The following ARHGAP20 variants were observed in gnomAD, a reference collection of about 807,000 sequenced individuals.
The protein encoded by ARHGAP20 is rho GTPase-activating protein 20.
Under a neutral mutation model 73.7 loss-of-function variants are expected in ARHGAP20, and 34 were observed. The ratio of observed to expected loss-of-function variants is 0.46; its 90% CI spans 0.35 to 0.61. ARHGAP20 has a LOEUF of 0.61. ARHGAP20 is among the 20% of genes least tolerant of loss of function. The probability of loss-of-function intolerance (pLI) is 0.00; values close to 1 mark genes in which losing one functional copy is unlikely to be tolerated. For synonymous variants in ARHGAP20, 523 were observed against 518.2 expected, an observed-to-expected ratio of 1.01 and a Z score of -0.13; for missense variants, 1,314 against 1,420.9, an observed-to-expected ratio of 0.92 and a Z score of 1.21.
intron 2 of ARHGAP20, among the ~76,000 whole-genome samples, chr11:110,681,766 C>T (rs1368061479): frequency 6.6e-6 from 1 of 152,082 alleles, no homozygotes; most frequent in Non-Finnish European, 1.5e-5. Context: ...TGAATGAACC[C>T]AAAGTGGAAG....
chr11:110,658,346 C>A (rs1236124291), intron 2 of ARHGAP20, among the ~76,000 whole-genome samples: 1 of 152,108 alleles, frequency 6.6e-6, no homozygotes, highest in Non-Finnish European at 1.5e-5. Context: ...TTTCTAGAAA[C>A]CTGAAGGAGC....
intron 3 of ARHGAP20, among the ~76,000 whole-genome samples, chr11:110,625,689 T>A (rs1177060038): frequency 6.7e-6 from 1 of 149,202 alleles, no homozygotes; most frequent in Non-Finnish European, 1.5e-5. Context: ...CCCTGTAGAC[T>A]CCTGATATGG....
intron 1 of ARHGAP20, among the ~76,000 whole-genome samples, chr11:110,692,575 C>G (rs1950264221): frequency 6.6e-6 from 1 of 152,020 alleles, no homozygotes; most frequent in African/African-American, 2.4e-5. Context: ...TCAGCAGATC[C>G]AAGATTCTAA....
intron 9 of ARHGAP20, among the ~76,000 whole-genome samples, chr11:110,597,035 G>T (rs9704284): frequency 1.3e-5 from 2 of 150,778 alleles, no homozygotes; most frequent in Non-Finnish European, 2.9e-5. Context: ...GCAAACTATC[G>T]CCAGGACAAA....
At chr11:110,630,848 G>C in intron 2 of ARHGAP20, 56 bp from the exon 3 acceptor site, 3 of 1,547,194 alleles carry the variant, frequency 1.9e-6, no homozygotes, top group Non-Finnish European at 2.6e-6. Flanking sequence ...AGTTGGTCAA[G>C]AACTACAAAA....
At chr11:110,657,407 T>C (rs1228624276) in intron 2 of ARHGAP20, among the ~76,000 whole-genome samples, 1 of 151,952 alleles carries the variant, frequency 6.6e-6, no homozygotes, top group Non-Finnish European at 1.5e-5. Context: ...GAAGGAGATA[T>C]AGTTTACATT....
chr11:110,595,547 C>G lies in ARHGAP20; in HGVS notation c.965-3392G>C, dbSNP rs980446033. On this transcript the variant is annotated intron_variant, in intron 9 of 14. Coordinates refer to ENST00000683387, the MANE Select transcript of ARHGAP20 (RefSeq NM_001384657.1). ...ATGAGTGAACTCCCATTCACAATTG[C>G]TTCAAAGAGAATAAAATACCTAGGA... Among the ~76,000 whole-genome samples, 118 of 152,278 alleles carry G rather than the reference C, an allele frequency of 7.7e-4. No homozygotes were observed. In the Middle Eastern group the frequency reaches 0.014, roughly 18 times the overall value.
intron 4 of ARHGAP20, 138 bp from the exon 5 acceptor site, chr11:110,615,732 G>A: frequency 1.4e-6 from 1 of 713,658 alleles, no homozygotes; most frequent in East Asian, 2.7e-5. Flanking sequence ...CTGCAACCTT[G>A]GCATAATTGT....
chr11:110,592,256 G>C, intron 9 of ARHGAP20, 101 bp from the exon 10 acceptor site: 2 of 1,105,074 alleles, frequency 1.8e-6, no homozygotes, highest in Non-Finnish European at 2.5e-6. Context: ...GGCTCAAAGA[G>C]AAAAAGATGC....
Position 110,630,746 on chromosome 11 carries a change from A to C in ARHGAP20, c.235T>G (p.Leu79Val). ...SVDTCTFLSS[L>V]VCSNRTLLID... ...AGCAGAGTCCTATTGGAGCACACTA[A>C]TGATGACAGAAATGTGCATGTGTCA... Residue 79 changes from leucine to valine, a missense_variant, in exon 3 of 15, where the codon TTA becomes GTA. By Grantham distance (32) the Leu-to-Val change is conservative. This residue lies in a region of ARHGAP20 where 443 missense variants were observed against 466.4 expected (regional missense o/e 0.95). Transcript: ENST00000683387. 6.2e-7 allele frequency: 1 copy of C among 1,614,148 alleles called. No homozygotes were observed. Among genetic ancestry groups the C allele is most frequent in the South Asian group, 1.1e-5 (1 of 91,076 alleles).
chr11:110,705,891 T>C (rs1336961336), intron 1 of ARHGAP20, among the ~76,000 whole-genome samples: 1 of 152,194 alleles, frequency 6.6e-6, no homozygotes, highest in Non-Finnish European at 1.5e-5. Flanking sequence ...GGTATCAGCA[T>C]AGAGATTAGG....
intron 2 of ARHGAP20, 65 bp from the exon 3 acceptor site, chr11:110,630,857 A>C (rs1293582191): frequency 1.1e-5 from 17 of 1,525,840 alleles, no homozygotes; most frequent in Non-Finnish European, 1.4e-5. Flanking sequence ...AGAACTACAA[A>C]ATTCTGTAAT....
At chr11:110,697,675 T>C (rs1218344240) in intron 1 of ARHGAP20, among the ~76,000 whole-genome samples, 1 of 151,884 alleles carries the variant, frequency 6.6e-6, no homozygotes, top group Non-Finnish European at 1.5e-5. Flanking sequence ...ATTTATTGAA[T>C]AGGATGTCCT....
At chr11:110,638,497 T>A (rs1238404010) in intron 2 of ARHGAP20, among the ~76,000 whole-genome samples, 3 of 151,944 alleles carry the variant, frequency 2.0e-5, no homozygotes. Flanking sequence ...GTAAGAGATG[T>A]TGCACACCCA....
rs1565416264 is a variant in ARHGAP20, at chr11:110,579,734, A to G, written c.3212T>C (p.Leu1071Ser). The change falls in exon 15 of 15, where the codon TTA (leucine) becomes TCA (serine). Residue 1071 changes from leucine (L) to serine (S), a missense_variant. Coordinates refer to ENST00000683387, the MANE Select transcript of ARHGAP20 (RefSeq NM_001384657.1). ...EEKIASPKGPLEPPPHASGVP... is the reference protein window; with the variant it reads ...EEKIASPKGPSEPPPHASGVP... Reference sequence around the variant, plus strand: ...ACCAGAAGCATGTGGGGGTGGCTCTAAGGGTCCTTTTGGAGAAGCTATTTT... The same window carrying G: ...ACCAGAAGCATGTGGGGGTGGCTCTGAGGGTCCTTTTGGAGAAGCTATTTT... The G allele has an allele frequency of 1.2e-6, 2 of 1,613,880 alleles. No individual in the cohort carries two copies.
chr11:110,663,288 G>C (rs905517468), intron 2 of ARHGAP20, among the ~76,000 whole-genome samples: 25 of 150,586 alleles, frequency 1.7e-4, no homozygotes, highest in Admixed American at 1.3e-3. Flanking sequence ...TAAAAACTTT[G>C]CTAGACTGTT....
Position 110,586,200 on chromosome 11 carries a change from AAATTAGAAT to A in ARHGAP20, c.1415+7_1415+15del, listed in dbSNP as rs1947660692. On this transcript the variant is annotated splice_region_variant and intron_variant, in intron 12 of 14. Coordinates refer to ENST00000683387, the MANE Select transcript of ARHGAP20 (RefSeq NM_001384657.1). ...TTTAAAGTATTTTTGAGACATGACCAAATTAGAATAATTACCTTTGAACAGTATTTATTT... is the reference window on the plus strand; with the variant it reads ...TTTAAAGTATTTTTGAGACATGACCAAATTACCTTTGAACAGTATTTATTT... 2 of 1,322,528 alleles carry A rather than the reference AAATTAGAAT, an allele frequency of 1.5e-6. No individual in the cohort carries two copies. The highest frequency in any genetic ancestry group is 3.0e-5 in the African/African-American group (2 of 66,148). The allele number at this position is 1,322,528 out of a possible 1,614,324, so 81.9% of individuals were successfully genotyped here. A position where few individuals can be genotyped will look rare whatever the true frequency, so the allele number is the denominator to read the frequency against.
intron 2 of ARHGAP20, among the ~76,000 whole-genome samples, chr11:110,660,030 T>C (rs1265089148): frequency 5.6e-5 from 8 of 142,116 alleles, no homozygotes; most frequent in African/African-American, 2.2e-4. Context: ...AATGTGCACA[T>C]GTACCCTAAA....
At chr11:110,638,139 C>A (rs1222087008) in intron 2 of ARHGAP20, among the ~76,000 whole-genome samples, 1 of 151,870 alleles carries the variant, frequency 6.6e-6, no homozygotes, top group Non-Finnish European at 1.5e-5. Flanking sequence ...TTTTTGAGCA[C>A]CACTATGACA....
Sources: gnomAD v4.1 joint callset for allele counts (sites outside exome capture counted in the v4.1 genomes callset) on GRCh38, gnomAD v4.1.1 for gene constraint, gnomAD v4.1.1 regional missense constraint, MANE v1.5 for transcripts, NCBI Gene and HGNC (gene_info 2026-07-23, HGNC 2026-07-21) for gene names.